Variants in ICAM5 observed in about 807,000 individuals in gnomAD.
ICAM5 encodes intercellular adhesion molecule 5.
Under a neutral mutation model 78.8 loss-of-function variants are expected in ICAM5, and 38 were observed. The observed-to-expected ratio is 0.48, with a 90% CI of 0.37 to 0.63. The LOEUF (loss-of-function observed/expected upper bound fraction) is 0.63. Among genes scored for constraint, ICAM5 ranks in the 30% least tolerant of loss-of-function variants. ICAM5 has a pLI of 0.00. For synonymous variants in ICAM5, 544 were observed against 590.9 expected, an observed-to-expected ratio of 0.92 and a Z score of 1.15; for missense variants, 1,059 against 1,303.0, an observed-to-expected ratio of 0.81 and a Z score of 2.88.
chr19:10,291,617 G>A lies in ICAM5; in HGVS notation c.481G>A (p.Ala161Thr). 6.2e-7 allele frequency: 1 copy of A among 1,611,542 alleles called. No homozygotes were observed. The highest frequency in any genetic ancestry group is 8.5e-7 in the Non-Finnish European group (1 of 1,179,422). ...ASLTLTLLRG[A>T]QELIRRSFAG... ...CCTCACGCTGACCCTGCTGCGGGGCGCCCAGGAGCTGATCCGCCGCAGCTT... is the reference window on the plus strand; with the variant it reads ...CCTCACGCTGACCCTGCTGCGGGGCACCCAGGAGCTGATCCGCCGCAGCTT... Residue 161 changes from alanine (A) to threonine (T), a missense_variant, in exon 3 of 11, where the codon GCC becomes ACC. Transcript: ENST00000221980.
Position 10,295,443 on chromosome 19 carries a change from A to G in ICAM5, c.2328A>G (p.Pro776=). 1.2e-6 allele frequency: 2 copies of G among 1,608,152 alleles called. No individual in the cohort carries two copies. The highest frequency in any genetic ancestry group is 1.7e-6 in the Non-Finnish European group (2 of 1,178,744). Reference sequence around the variant, plus strand: ...CCTGCCGCGCGGAGGCCTGGCCTCCAGCCCAGATCAGCTGGCGCGCGCCCC... The same window carrying G: ...CCTGCCGCGCGGAGGCCTGGCCTCCGGCCCAGATCAGCTGGCGCGCGCCCC... ...TLTCRAEAWP[P]AQISWRAPPG... is the part of the protein sequence containing the mutation. Residue 776 remains proline, a synonymous_variant, in exon 10 of 11, where the codon CCA becomes CCG. Coordinates refer to ENST00000221980, the MANE Select transcript of ICAM5 (RefSeq NM_003259.4).
Position 10,294,471 on chromosome 19 carries a change from G to T in ICAM5, c.2061G>T (p.Ala687=). 6.2e-7 allele frequency: 1 copy of T among 1,606,908 alleles called. No homozygotes were observed. Among genetic ancestry groups the T allele is most frequent in the Non-Finnish European group, 8.5e-7 (1 of 1,175,888 alleles). The change falls in exon 9 of 11, where the codon GCG becomes GCT. Residue 687 remains alanine (A), a synonymous_variant. Coordinates refer to ENST00000221980, the MANE Select transcript of ICAM5 (RefSeq NM_003259.4). The surrounding 1 kb of genome is among the most constrained non-coding windows in gnomAD (Gnocchi z 7.7). The stretch of plus-strand genomic sequence containing the variant: ...GGCTGGAAGGGGCTGAGGCTTCCGC[G>T]CTGGCCTGCGCCGCCCGGGGTCGCC... ...QTWLEGAEAS[A]LACAARGRPS... is the part of the protein sequence containing the mutation.
chr19:10,291,647 G>C lies in ICAM5; in HGVS notation c.511G>C (p.Gly171Arg). ...AQELIRRSFAGEPPRARGAVL... is the reference protein window; with the variant it reads ...AQELIRRSFAREPPRARGAVL... ...GGAGCTGATCCGCCGCAGCTTCGCC[G>C]GTGAACCACCCCGAGCGCGGGGCGC... Residue 171 changes from glycine to arginine, a missense_variant, in exon 3 of 11, where the codon GGT (glycine) becomes CGT (arginine). By Grantham distance (125) the Gly-to-Arg change is moderately radical. This residue lies in a region of ICAM5 where 815 missense variants were observed against 952.8 expected (regional missense o/e 0.86). Coordinates refer to ENST00000221980, the MANE Select transcript of ICAM5 (RefSeq NM_003259.4). 2 of 1,611,732 alleles carry C rather than the reference G, an allele frequency of 1.2e-6. No homozygotes were observed. The highest frequency in any genetic ancestry group is 1.7e-6 in the Non-Finnish European group (2 of 1,179,448).
chr19:10,296,625 C>A lies in ICAM5; in HGVS notation c.*9C>A. 1 of 1,210,122 alleles carries A rather than the reference C, an allele frequency of 8.3e-7. No homozygotes were observed. Among genetic ancestry groups the A allele is most frequent in the South Asian group, 4.1e-5 (1 of 24,184 alleles). The allele number at this position is 1,210,122 out of a possible 1,614,324, so 75.0% of individuals were successfully genotyped here. A position where few individuals can be genotyped will look rare whatever the true frequency, so the allele number is the denominator to read the frequency against. The stretch of plus-strand genomic sequence containing the variant: ...AGCTGACATCGGCGTGAGCCCGCTC[C>A]CCTCTCCCCGCGGGCCGGGGGACGC... On this transcript the variant is annotated 3_prime_UTR_variant, in exon 11 of 11. Transcript: ENST00000221980.
At chr19:10,295,973 G>A (rs76195573) in intron 10 of ICAM5, among the ~76,000 whole-genome samples, 6,030 of 152,138 alleles carry the variant, frequency 0.04, 126 homozygotes, top group African/African-American at 0.042. Flanking sequence ...AGGGAGAGAG[G>A]GGTCAAGATC....
At chr19:10,292,004 G>A (rs375527133) in intron 3 of ICAM5, 31 bp from the exon 4 acceptor site, 22 of 1,602,860 alleles carry the variant, frequency 1.4e-5, no homozygotes, top group Non-Finnish European at 1.8e-5. Context: ...AGCGCTCGGA[G>A]TTAGTTCAAA....
In ICAM5 at chr19:10,296,364, CGGCGCGGCGGGG is replaced by C. The variant is rs898243772; in HGVS notation, c.2533_2544del (p.Gly845_Ala848del). On this transcript the variant is annotated inframe_deletion, in exon 11 of 11. Transcript: ENST00000221980. ...GTCCGTGGCTATGGGTCGCCGTGGG[CGGCGCGGCGGGG>C]GGCGCGGCGCTGCTGGCCGCGGGGG... 1 of 1,251,116 alleles carries C rather than the reference CGGCGCGGCGGGG, an allele frequency of 8.0e-7. No individual in the cohort carries two copies. The highest frequency in any genetic ancestry group is 3.3e-5 in the South Asian group (1 of 29,950). The allele number at this position is 1,251,116 out of a possible 1,614,324, so 77.5% of individuals were successfully genotyped here. A position where few individuals can be genotyped will look rare whatever the true frequency, so the allele number is the denominator to read the frequency against.
In ICAM5 at chr19:10,296,328, C is replaced by T; in HGVS notation, c.2498-11C>T. ...GCTTGGCCACCCTCCGCGAGGGTCT[C>T]CACCCCGCAGGTCCGTGGCTATGGG... On this transcript the variant is annotated splice_polypyrimidine_tract_variant and intron_variant, in intron 10 of 10. Coordinates refer to ENST00000221980, the MANE Select transcript of ICAM5 (RefSeq NM_003259.4). 8.1e-7 allele frequency: 1 copy of T among 1,232,734 alleles called. No homozygotes were observed. Among genetic ancestry groups the T allele is most frequent in the Non-Finnish European group, 1.0e-6 (1 of 980,728 alleles). 76.4% of individuals were successfully genotyped at this position (1,232,734 alleles called of 1,614,324 possible). A position where few individuals can be genotyped will look rare whatever the true frequency, so the allele number is the denominator to read the frequency against.
chr19:10,290,165 G>T lies in ICAM5; in HGVS notation c.82+40G>T. The T allele has an allele frequency of 7.0e-7, 1 of 1,427,412 alleles. No homozygotes were observed. The highest frequency in any genetic ancestry group is 9.3e-7 in the Non-Finnish European group (1 of 1,071,192). The allele number at this position is 1,427,412 out of a possible 1,614,324, so 88.4% of individuals were successfully genotyped here. A position where few individuals can be genotyped will look rare whatever the true frequency, so the allele number is the denominator to read the frequency against. The stretch of plus-strand genomic sequence containing the variant: ...CTGGTTCGGGGTGGACAGGGCGGGG[G>T]CGGAGTCCCTGGACCTGAGAAACGG... On this transcript the variant is annotated intron_variant, in intron 1 of 10. Transcript: ENST00000221980. This position sits in a 1 kb window ranked among gnomAD's most constrained non-coding sequence, Gnocchi z 5.7.
At chr19:10,296,310 C>T (rs1599282789) in intron 10 of ICAM5, 29 bp from the exon 11 acceptor site, 4 of 1,228,336 alleles carry the variant, frequency 3.3e-6, no homozygotes, top group Non-Finnish European at 4.1e-6. Context: ...GGAGCTTGGC[C>T]ACCCTCCGCG....
chr19:10,293,282 T>A lies in ICAM5; in HGVS notation c.1465+36T>A. ...GTGCGCAGGGTGCATTTCTATCTGG[T>A]TCAAGGTCTGGAGGGTGGCCAGCCT... On this transcript the variant is annotated intron_variant, in intron 6 of 10. Transcript: ENST00000221980. The surrounding 1 kb of genome is among the most constrained non-coding windows in gnomAD (Gnocchi z 5.0). 1.3e-6 allele frequency: 2 copies of A among 1,540,774 alleles called. No individual in the cohort carries two copies. The highest frequency in any genetic ancestry group is 2.7e-5 in the African/African-American group (2 of 73,006).
chr19:10,292,924 G>C (rs2040186910), intron 5 of ICAM5, 58 bp downstream of exon 5: 2 of 1,606,988 alleles, frequency 1.2e-6, no homozygotes, highest in Non-Finnish European at 8.5e-7. Flanking sequence ...GGACCCGCCT[G>C]CTCCCTCACC....
rs1193758958 is a variant in ICAM5, at chr19:10,293,722, G to A, written c.1490G>A (p.Gly497Asp). The A allele has an allele frequency of 1.9e-6, 3 of 1,613,710 alleles. No individual in the cohort carries two copies. Among genetic ancestry groups the A allele is most frequent in the African/African-American group, 1.3e-5 (1 of 74,946 alleles). ...VEYAPALDSVGCPERITWLEG... is the reference protein window; with the variant it reads ...VEYAPALDSVDCPERITWLEG... Reference sequence around the variant, plus strand: ...GACGCACCAGCGCTGGACAGCGTGGGCTGCCCAGAACGCATTACTTGGCTG... The same window carrying A: ...GACGCACCAGCGCTGGACAGCGTGGACTGCCCAGAACGCATTACTTGGCTG... The change falls in exon 7 of 11, where the codon GGC becomes GAC. Residue 497 changes from glycine to aspartate, a missense_variant. By Grantham distance (94) the Gly-to-Asp change is moderately conservative (BLOSUM62 -1). This residue lies in a region of ICAM5 where 815 missense variants were observed against 952.8 expected (regional missense o/e 0.86). Coordinates refer to ENST00000221980, the MANE Select transcript of ICAM5 (RefSeq NM_003259.4). The surrounding 1 kb of genome is among the most constrained non-coding windows in gnomAD (Gnocchi z 5.0).
intron 9 of ICAM5, 72 bp from the exon 10 acceptor site, chr19:10,295,274 T>A (rs2040210780): frequency 2.1e-6 from 3 of 1,426,580 alleles, no homozygotes; most frequent in Non-Finnish European, 2.7e-6. Flanking sequence ...TCGATCGTTG[T>A]GGGCCGGAGC....
chr19:10,295,592 G>T lies in ICAM5; in HGVS notation c.2477G>T (p.Arg826Leu). Reference sequence around the variant, plus strand: ...AACGCGCACGGGCGCCACGCGCGGCGCATCACGGTGCGCGTGGCCGGTAAG... The same window carrying T: ...AACGCGCACGGGCGCCACGCGCGGCTCATCACGGTGCGCGTGGCCGGTAAG... ...ATNAHGRHAR[R>L]ITVRVAGPWL... The change falls in exon 10 of 11, where the codon CGC becomes CTC. Residue 826 changes from arginine (R) to leucine (L), a missense_variant. Arg to Leu is a moderately radical substitution (Grantham distance 102). Transcript: ENST00000221980. 6.5e-6 allele frequency: 10 copies of T among 1,542,444 alleles called. No individual in the cohort carries two copies. The highest frequency in any genetic ancestry group is 7.9e-6 in the Non-Finnish European group (9 of 1,145,636).
In ICAM5 at chr19:10,291,717, C is replaced by A; in HGVS notation, c.581C>A (p.Ala194Asp). ...CTGGCTCGGAGGGAGGACCATGGAGCCAATTTCTCGTGTCGCGCCGAGCTG... is the reference window on the plus strand; with the variant it reads ...CTGGCTCGGAGGGAGGACCATGGAGACAATTTCTCGTGTCGCGCCGAGCTG... ...TVLARREDHGANFSCRAELDL... is the reference protein window; with the variant it reads ...TVLARREDHGDNFSCRAELDL... Residue 194 changes from alanine (A) to aspartate (D), a missense_variant, in exon 3 of 11, where the codon GCC (alanine) becomes GAC (aspartate). This residue lies in a region of ICAM5 where 815 missense variants were observed against 952.8 expected (regional missense o/e 0.86). Transcript: ENST00000221980. 3 of 1,612,784 alleles carry A rather than the reference C, an allele frequency of 1.9e-6. No homozygotes were observed. The highest frequency in any genetic ancestry group is 2.5e-6 in the Non-Finnish European group (3 of 1,180,000).
At chr19:10,291,455 T>G in intron 2 of ICAM5, 34 bp from the exon 3 acceptor site, 1 of 1,609,858 alleles carries the variant, frequency 6.2e-7, no homozygotes, top group African/African-American at 1.3e-5. Context: ...CAAGTCCCGG[T>G]GTTCAAAGAG....
Position 10,290,536 on chromosome 19 carries a change from G to C in ICAM5, c.82+411G>C. 1 of 213,532 alleles carries C rather than the reference G, an allele frequency of 4.7e-6. No homozygotes were observed. Among genetic ancestry groups the C allele is most frequent in the Non-Finnish European group, 9.3e-6 (1 of 107,518 alleles). 13.2% of individuals were successfully genotyped at this position (213,532 alleles called of 1,614,324 possible). A position where few individuals can be genotyped will look rare whatever the true frequency, so the allele number is the denominator to read the frequency against. Reference sequence around the variant, plus strand: ...CTGTTCCCGCTCCACCCAGAGCCCTGGCAACCGGGTCCCTCAGCTGTTCCC... The same window carrying C: ...CTGTTCCCGCTCCACCCAGAGCCCTCGCAACCGGGTCCCTCAGCTGTTCCC... On this transcript the variant is annotated intron_variant, in intron 1 of 10. Transcript: ENST00000221980. This position sits in a 1 kb window ranked among gnomAD's most constrained non-coding sequence, Gnocchi z 5.7.
chr19:10,290,019 C>T lies in ICAM5; in HGVS notation c.-25C>T. On this transcript the variant is annotated 5_prime_UTR_variant, in exon 1 of 11. Transcript: ENST00000221980. This position sits in a 1 kb window ranked among gnomAD's most constrained non-coding sequence, Gnocchi z 5.7. ...GCTCCTCGGCTCGCGCTCTCCTCGCCTCCTGTGCTTTCCCCGCCGCGGCGA... is the reference window on the plus strand; with the variant it reads ...GCTCCTCGGCTCGCGCTCTCCTCGCTTCCTGTGCTTTCCCCGCCGCGGCGA... 10 of 1,533,978 alleles carry T rather than the reference C, an allele frequency of 6.5e-6. No homozygotes were observed. Among genetic ancestry groups the T allele is most frequent in the Non-Finnish European group, 7.9e-6 (9 of 1,143,816 alleles).
Sources: allele counts gnomAD v4.1 joint callset (sites outside exome capture counted in the v4.1 genomes callset), GRCh38; gene constraint gnomAD v4.1.1; regional missense constraint gnomAD v4.1.1; non-coding constraint Gnocchi (gnomAD v3.1); transcripts MANE v1.5; gene names NCBI Gene and HGNC (gene_info 2026-07-23, HGNC 2026-07-21).